MGAM: variants seen among roughly 807,000 people sequenced by gnomAD.
The protein encoded by MGAM is alpha-1,4-glucosidase.
A neutral mutation model predicts 358.8 loss-of-function variants in MGAM; 253 were observed. That is an observed-to-expected ratio of 0.71 (90% confidence interval 0.64 to 0.78). MGAM has a LOEUF of 0.78. Ranked by LOEUF, MGAM falls within the 30% of genes least tolerant of loss-of-function variation. The probability of loss-of-function intolerance (pLI) is 0.00; values close to 1 mark genes in which losing one functional copy is unlikely to be tolerated. For missense variants in MGAM, 3,080 were observed against 3,432.6 expected, an observed-to-expected ratio of 0.90 and a Z score of 2.57; for synonymous variants, 1,105 against 1,227.1, an observed-to-expected ratio of 0.90 and a Z score of 2.08.
intron 44 of MGAM, among the ~76,000 whole-genome samples, chr7:142,072,928 A>G (rs1227975969): frequency 6.8e-6 from 1 of 146,646 alleles, no homozygotes; most frequent in Non-Finnish European, 1.5e-5. Flanking sequence ...GTTCTAGCTC[A>G]GTGTTTTGCT....
chr7:142,084,399 G>A, intron 53 of MGAM, 120 bp from the exon 54 acceptor site: 4 of 1,188,474 alleles, frequency 3.4e-6, no homozygotes, highest in Middle Eastern at 2.7e-4. Context: ...CAGTTTTGAT[G>A]TGGAATTCAA....
chr7:141,987,717 G>T (rs1554446483), intron 2 of MGAM, among the ~76,000 whole-genome samples: 1 of 152,210 alleles, frequency 6.6e-6, no homozygotes, highest in African/African-American at 2.4e-5. Flanking sequence ...AGGGATTCCC[G>T]TTTGGGAGAC....
In MGAM at chr7:142,030,511, T is replaced by C; in HGVS notation, c.1353+18T>C. 1.9e-6 allele frequency: 3 copies of C among 1,613,332 alleles called. No individual in the cohort carries two copies. The highest frequency in any genetic ancestry group is 2.5e-6 in the Non-Finnish European group (3 of 1,179,514). ...TCATTGTGGTATGTACTGCCCTCTT[T>C]CCACCAAATTAGGTATTTGCTCCTC... On this transcript the variant is annotated intron_variant, in intron 11 of 70. Transcript: ENST00000475668.
chr7:142,022,620 A>G (rs529486785), intron 7 of MGAM, among the ~76,000 whole-genome samples, 181 bp downstream of exon 7: 2 of 152,124 alleles, frequency 1.3e-5, no homozygotes, highest in Non-Finnish European at 2.9e-5. Context: ...CTCTGTCTTC[A>G]GTTTCTTATC....
At chr7:142,070,921 G>A (rs1813289219) in intron 43 of MGAM, 73 bp from the exon 44 acceptor site, 1 of 1,515,288 alleles carries the variant, frequency 6.6e-7, no homozygotes, top group Non-Finnish European at 9.1e-7. Flanking sequence ...AGGATGAGAT[G>A]TCTGGCAGGA....
rs13309020 is a variant in MGAM, at chr7:142,076,875, C to T, written c.5493+49C>T. 6.9e-4 allele frequency: 1,041 copies of T among 1,507,580 alleles called. 21 individuals carry two copies. Among genetic ancestry groups the T allele is most frequent in the East Asian group, 2.2e-3 (97 of 43,352 alleles). 93.4% of individuals were successfully genotyped at this position (1,507,580 alleles called of 1,614,324 possible). A position where few individuals can be genotyped will look rare whatever the true frequency, so the allele number is the denominator to read the frequency against. On this transcript the variant is annotated intron_variant, in intron 47 of 70. Transcript: ENST00000475668. ...GGTACATTGAGAATTCTCCATAGCA[C>T]CATGATGTTTCTTCTTGCCAAGTTT...
At chr7:142,003,156 C>T (rs1281746158) in intron 1 of MGAM, among the ~76,000 whole-genome samples, 1 of 152,032 alleles carries the variant, frequency 6.6e-6, no homozygotes, top group Non-Finnish European at 1.5e-5. Context: ...AAGCAATCTA[C>T]AGATTCAGTG....
At chr7:142,063,851 C>G (rs1812466094) in intron 36 of MGAM, among the ~76,000 whole-genome samples, 1 of 152,180 alleles carries the variant, frequency 6.6e-6, no homozygotes. Context: ...AGCTGAGTTT[C>G]TTAGTTTTTA....
At chr7:141,989,939 C>T (rs1239256988) in intron 2 of MGAM, among the ~76,000 whole-genome samples, 2 of 152,062 alleles carry the variant, frequency 1.3e-5, no homozygotes, top group Non-Finnish European at 2.9e-5. Flanking sequence ...GGATTTTATT[C>T]CAGGAAGGGA....
At chr7:142,097,407 G>A (rs1354110079) in intron 65 of MGAM, among the ~76,000 whole-genome samples, 186 bp from the exon 66 acceptor site, 2 of 152,056 alleles carry the variant, frequency 1.3e-5, no homozygotes, top group Non-Finnish European at 2.9e-5. Flanking sequence ...TTGTTTTGGG[G>A]TAGACAGATC....
chr7:142,050,601 G>T (rs764634541), intron 23 of MGAM, 96 bp from the exon 24 acceptor site: 19 of 1,262,454 alleles, frequency 1.5e-5, no homozygotes, highest in Admixed American at 2.2e-5. Context: ...TTATGGCAGT[G>T]GGGGGTATCC....
Position 142,054,627 on chromosome 7 carries a change from C to T in MGAM, c.3160-127C>T, listed in dbSNP as rs140733458. 7,833 of 1,065,526 alleles carry T rather than the reference C, an allele frequency of 7.4e-3. 34 individuals carry two copies. Among genetic ancestry groups the T allele is most frequent in the Middle Eastern group, 0.012 (56 of 4,674 alleles). 66.0% of individuals were successfully genotyped at this position (1,065,526 alleles called of 1,614,324 possible). ...TTGTTATCTGATATATTAATTAAATCTCAGATATCATAAAGAAGATAGAAA... is the reference window on the plus strand; with the variant it reads ...TTGTTATCTGATATATTAATTAAATTTCAGATATCATAAAGAAGATAGAAA... On this transcript the variant is annotated intron_variant, in intron 26 of 70. Coordinates refer to ENST00000475668, the MANE Select transcript of MGAM (RefSeq NM_001365693.1).
rs1197591109 is a variant in MGAM at position 142,099,728 on chromosome 7, C to A, written c.7865C>A (p.Thr2622Asn). ...CCCTGGCAAGAGCCTGCACTGAACA[C>A]CCACTTAAGGTAAGTGACAGGACTC... is the stretch of plus-strand genomic sequence containing the variant. ...ILPWQEPALN[T>N]HLSRQKFMGF... is the part of the protein sequence containing the mutation. The change falls in exon 67 of 71, where the codon ACC becomes AAC. Residue 2622 changes from threonine to asparagine, a missense_variant. Coordinates refer to ENST00000475668, the MANE Select transcript of MGAM (RefSeq NM_001365693.1). 5 of 1,613,944 alleles carry A rather than the reference C, an allele frequency of 3.1e-6. No homozygotes were observed. The highest frequency in any genetic ancestry group is 4.2e-6 in the Non-Finnish European group (5 of 1,179,866).
At chr7:142,032,988 C>T (rs1349303759) in intron 14 of MGAM, 79 bp downstream of exon 14, 1 of 947,598 alleles carries the variant, frequency 1.1e-6, no homozygotes, top group Admixed American at 2.7e-5. Flanking sequence ...TCTGAAAAAT[C>T]TGGCAAGGGA....
At position 142,076,141 on chromosome 7, in the gene MGAM, G is replaced by A. The variant is rs1052379969; in HGVS notation, c.5276-62G>A. On this transcript the variant is annotated intron_variant, in intron 45 of 70. Transcript: ENST00000475668. ...GGATGTAACTGAAAAGAGTGGGAGT[G>A]TGAAATCTGTTCTTCTGTGGTGGGC... The A allele has an allele frequency of 1.6e-6, 2 of 1,278,928 alleles. 1 individual carries two copies. The highest frequency in any genetic ancestry group is 2.4e-5 in the South Asian group (2 of 83,938). 79.2% of individuals were successfully genotyped at this position (1,278,928 alleles called of 1,614,324 possible).
intron 20 of MGAM, 177 bp from the exon 21 acceptor site, chr7:142,040,545 A>T (rs763776796): frequency 1.2e-6 from 1 of 800,110 alleles, no homozygotes. Context: ...CAAACCCCCA[A>T]CTGGTAGCAG....
chr7:142,027,674 A>G lies in MGAM; in HGVS notation c.1160A>G (p.Tyr387Cys). 1 of 1,613,746 alleles carries G rather than the reference A, an allele frequency of 6.2e-7. No homozygotes were observed. Residue 387 changes from tyrosine to cysteine, a missense_variant, in exon 10 of 71, where the codon TAT becomes TGT. Tyr to Cys is a radical substitution (Grantham distance 194, BLOSUM62 -2). Transcript: ENST00000475668. ...ALGFHLSRYE[Y>C]GTLDNMREVV... ...GGATTTCACCTCAGTCGTTACGAATATGGAACCTTAGACAACATGAGGGAA... is the reference window on the plus strand; with the variant it reads ...GGATTTCACCTCAGTCGTTACGAATGTGGAACCTTAGACAACATGAGGGAA...
At chr7:142,003,994 A>T (rs1157965861) in intron 1 of MGAM, among the ~76,000 whole-genome samples, 1 of 152,028 alleles carries the variant, frequency 6.6e-6, no homozygotes, top group Non-Finnish European at 1.5e-5. Context: ...AAATGAGATG[A>T]TATCTTACAC....
rs1341213814 is a variant in MGAM, at chr7:142,058,279, C to G, written c.3770C>G (p.Ser1257Cys). 6.2e-7 allele frequency: 1 copy of G among 1,613,900 alleles called. No individual in the cohort carries two copies. The highest frequency in any genetic ancestry group is 8.5e-7 in the Non-Finnish European group (1 of 1,179,852). Residue 1257 changes from serine to cysteine, a missense_variant, in exon 31 of 71, where the codon TCT (serine) becomes TGT (cysteine). Ser to Cys is a moderately radical substitution (Grantham distance 112). Around this residue, in one of 5 missense-constraint regions of MGAM, gnomAD observed 1,816 missense variants for 1,840.5 expected, o/e 0.99. Coordinates refer to ENST00000475668, the MANE Select transcript of MGAM (RefSeq NM_001365693.1). ...TGTCGCTATGGCTACCAGAATGACTCTGAGATCGCCAGCTTGTATGATGAG... is the reference window on the plus strand; with the variant it reads ...TGTCGCTATGGCTACCAGAATGACTGTGAGATCGCCAGCTTGTATGATGAG... ...QLCRYGYQNDSEIASLYDEMV... is the reference protein window; with the variant it reads ...QLCRYGYQNDCEIASLYDEMV...
Sources: gnomAD v4.1 joint callset for allele counts (sites outside exome capture counted in the v4.1 genomes callset) on GRCh38, gnomAD v4.1.1 for gene constraint, gnomAD v4.1.1 regional missense constraint, MANE v1.5 for transcripts, NCBI Gene and HGNC (gene_info 2026-07-23, HGNC 2026-07-21) for gene names.